NALCN: variants seen among roughly 807,000 people sequenced by gnomAD.
NALCN encodes sodium leak channel NALCN.
Under a neutral mutation model 225.3 loss-of-function variants are expected in NALCN, and 111 were observed. The ratio of observed to expected loss-of-function variants is 0.49; its 90% confidence interval spans 0.42 to 0.58. The LOEUF (loss-of-function observed/expected upper bound fraction) is 0.58, where lower values mean the gene tolerates loss of function less well. Among genes scored for constraint, NALCN ranks in the 20% least tolerant of loss-of-function variants. NALCN has a pLI of 0.00. For missense variants in NALCN, 1,378 were observed against 2,202.4 expected (o/e 0.63, Z 7.49); for synonymous variants, 764 against 769.0 (o/e 0.99, Z 0.11).
intron 15 of NALCN, among the ~76,000 whole-genome samples, chr13:101,147,939 A>C (rs533523791): frequency 6.6e-5 from 10 of 151,834 alleles, no homozygotes; most frequent in African/African-American, 2.4e-4. Context: ...ATCAAATTCT[A>C]CTTGTTTTCT....
chr13:101,290,189 C>G (rs572078683), intron 9 of NALCN, among the ~76,000 whole-genome samples: 7 of 152,278 alleles, frequency 4.6e-5, no homozygotes, highest in African/African-American at 1.2e-4. Flanking sequence ...TTCACATTTC[C>G]CTTTCTATTA....
chr13:101,220,851 T>C (rs2040909911), intron 13 of NALCN, among the ~76,000 whole-genome samples: 1 of 152,216 alleles, frequency 6.6e-6, no homozygotes, highest in Admixed American at 6.5e-5. Flanking sequence ...GGCTGTAATC[T>C]AGTCTTTTAA....
intron 7 of NALCN, among the ~76,000 whole-genome samples, chr13:101,338,961 G>A (rs180901620): frequency 6.6e-5 from 10 of 152,178 alleles, no homozygotes; most frequent in Admixed American, 2.0e-4. Flanking sequence ...CACCTGTGTG[G>A]GTAAAATGTA....
rs1407282417 is a variant in NALCN at position 101,378,588 on chromosome 13, C to A, written c.357G>T (p.Trp119Cys). ...TAATTACCTGTAGCACCAAAGAAAC[C>A]CAAAGGCAAAAGACCATAAATCCAT... Reference protein sequence around the residue: ...VFDGFMVFCLWVSLVLQVFEI... With the variant: ...VFDGFMVFCLCVSLVLQVFEI... The change falls in exon 4 of 44, where the codon TGG becomes TGT. Residue 119 changes from tryptophan (W) to cysteine (C), a missense_variant. Trp to Cys is a radical substitution (Grantham distance 215). Transcript: ENST00000251127. The A allele has an allele frequency of 1.2e-6, 2 of 1,606,494 alleles. No homozygotes were observed. The highest frequency in any genetic ancestry group is 2.2e-5 in the East Asian group (1 of 44,540).
At chr13:101,345,126 G>A in intron 7 of NALCN, 140 bp downstream of exon 7, 1 of 835,440 alleles carries the variant, frequency 1.2e-6, no homozygotes, top group Non-Finnish European at 1.8e-6. Flanking sequence ...TATAAAATAG[G>A]CATAGAATTA....
intron 6 of NALCN, among the ~76,000 whole-genome samples, chr13:101,360,063 T>C (rs1594739918): frequency 7.0e-6 from 1 of 142,278 alleles, no homozygotes; most frequent in Non-Finnish European, 1.5e-5. Context: ...TTCTCTTTCT[T>C]TCTTTTTCTT....
intron 6 of NALCN, among the ~76,000 whole-genome samples, chr13:101,369,900 G>T (rs1002374109): frequency 6.6e-6 from 1 of 152,050 alleles, no homozygotes; most frequent in East Asian, 1.9e-4. Context: ...TTCTTACTCC[G>T]TATATGAACT....
At chr13:101,070,445 C>G (rs1195919494) in intron 37 of NALCN, among the ~76,000 whole-genome samples, 1 of 152,204 alleles carries the variant, frequency 6.6e-6, no homozygotes, top group African/African-American at 2.4e-5. Context: ...TCCATCAGAG[C>G]AATCACTATC....
chr13:101,270,068 A>G (rs1289453196), intron 10 of NALCN, among the ~76,000 whole-genome samples: 2 of 152,194 alleles, frequency 1.3e-5, no homozygotes, highest in Non-Finnish European at 2.9e-5. Flanking sequence ...CTGAGTTCCT[A>G]AAAGGATGGA....
chr13:101,354,717 C>T (rs898211288), intron 6 of NALCN, among the ~76,000 whole-genome samples: 7 of 152,156 alleles, frequency 4.6e-5, no homozygotes, highest in Admixed American at 4.6e-4. Context: ...GAATATAAAT[C>T]ACCTCTTACA....
At chr13:101,284,478 CT>C (rs1325053735) in intron 9 of NALCN, among the ~76,000 whole-genome samples, 1 of 152,088 alleles carries the variant, frequency 6.6e-6, no homozygotes, top group Non-Finnish European at 1.5e-5. Context: ...ACCATGGTAT[CT>C]TACCCTCAAG....
intron 36 of NALCN, among the ~76,000 whole-genome samples, 160 bp from the exon 37 acceptor site, chr13:101,073,837 A>G (rs2033070281): frequency 1.3e-5 from 2 of 152,156 alleles, no homozygotes; most frequent in South Asian, 2.1e-4. Flanking sequence ...TGTCATTTAT[A>G]CTTGCCTCCA....
intron 15 of NALCN, among the ~76,000 whole-genome samples, chr13:101,153,649 G>A (rs545588738): frequency 1.3e-4 from 20 of 152,108 alleles, no homozygotes; most frequent in Non-Finnish European, 2.4e-4. Flanking sequence ...CCTCAGTGGG[G>A]CTGCTCTTGG....
chr13:101,225,880 C>A (rs922521615), intron 13 of NALCN, among the ~76,000 whole-genome samples: 13 of 152,188 alleles, frequency 8.5e-5, no homozygotes, highest in Non-Finnish European at 1.9e-4. Context: ...TGGCTTAATT[C>A]ACCTTTTTCA....
At chr13:101,183,882 T>C (rs918913468) in intron 14 of NALCN, among the ~76,000 whole-genome samples, 1 of 152,148 alleles carries the variant, frequency 6.6e-6, no homozygotes, top group Admixed American at 6.5e-5. Context: ...GCTAAGTACA[T>C]GTATGCTTTC....
At chr13:101,369,095 A>G in intron 6 of NALCN, 1 of 276,068 alleles carries the variant, frequency 3.6e-6, no homozygotes, top group Non-Finnish European at 7.4e-6. Flanking sequence ...CAACATTACT[A>G]CCATGTGGCT....
At chr13:101,346,506 G>T (rs1594717574) in intron 6 of NALCN, among the ~76,000 whole-genome samples, 4 of 152,052 alleles carry the variant, frequency 2.6e-5, no homozygotes, top group Admixed American at 2.6e-4. Context: ...AGTGTTGGAA[G>T]GTGTCTAGTT....
chr13:101,058,001 C>G lies in NALCN; in HGVS notation c.4961G>C (p.Arg1654Pro). The G allele has an allele frequency of 6.2e-7, 1 of 1,613,830 alleles. No individual in the cohort carries two copies. Among genetic ancestry groups the G allele is most frequent in the Non-Finnish European group, 8.5e-7 (1 of 1,180,024 alleles). Residue 1654 changes from arginine to proline, a missense_variant, in exon 43 of 44, where the codon CGG becomes CCG. Physicochemically the swap from Arg to Pro is moderately radical, Grantham distance 103 (BLOSUM62 -2). This residue lies in a region of NALCN where 145 missense variants were observed against 169.6 expected (regional missense o/e 0.85). Coordinates refer to ENST00000251127, the MANE Select transcript of NALCN (RefSeq NM_052867.4). ...TTTCCCTGCGTCGGCTGCATCTTGCCGACTTCCTCCTCGATCCGACAGCGT... is the reference window on the plus strand; with the variant it reads ...TTTCCCTGCGTCGGCTGCATCTTGCGGACTTCCTCCTCGATCCGACAGCGT... Reference protein sequence around the residue: ...SPTLSDRGGSRQDAADAGKPQ... With the variant: ...SPTLSDRGGSPQDAADAGKPQ...
chr13:101,075,988 C>G, intron 34 of NALCN, 47 bp from the exon 35 acceptor site: 1 of 1,532,460 alleles, frequency 6.5e-7, no homozygotes, highest in Non-Finnish European at 8.9e-7. Context: ...CACAAAAGAT[C>G]TTGTTACAGT....
Sources: gnomAD v4.1 joint callset for allele counts (sites outside exome capture counted in the v4.1 genomes callset) on GRCh38, gnomAD v4.1.1 for gene constraint, gnomAD v4.1.1 regional missense constraint, MANE v1.5 for transcripts, NCBI Gene and HGNC (gene_info 2026-07-23, HGNC 2026-07-21) for gene names.